Variants in PCDH15 observed in about 807,000 individuals in gnomAD.
PCDH15 encodes the protein protocadherin related 15.
A neutral mutation model predicts 178.5 loss-of-function variants in PCDH15; 129 were observed. The ratio of observed to expected loss-of-function variants is 0.72; its 90% confidence interval spans 0.63 to 0.84. The LOEUF is 0.84. Ranked by LOEUF, PCDH15 falls within the 40% of genes least tolerant of loss-of-function variation. The pLI, the probability that PCDH15 is intolerant of heterozygous loss-of-function variation, is 0.00. For synonymous variants in PCDH15, 800 were observed against 732.0 expected (o/e 1.09, Z -1.50); for missense variants, 2,230 against 2,099.9 (o/e 1.06, Z -1.21).
chr10:54,864,138 T>G (rs60256324), intron 3 of PCDH15, among the ~76,000 whole-genome samples: 23,347 of 152,142 alleles, frequency 0.15, 2,504 homozygotes, highest in East Asian at 0.51. Context: ...ATAAATGGCT[T>G]ATCTGTGATA....
chr10:54,215,467 C>G (rs1378690333), intron 9 of PCDH15, among the ~76,000 whole-genome samples: 3 of 152,000 alleles, frequency 2.0e-5, no homozygotes, highest in African/African-American at 4.8e-5. Flanking sequence ...GAGAGTCATA[C>G]AGAAAATCAT....
At chr10:54,994,660 C>G (rs189780141) in intron 2 of PCDH15, among the ~76,000 whole-genome samples, 208 of 152,008 alleles carry the variant, frequency 1.4e-3, no homozygotes, top group African/African-American at 4.6e-3. Context: ...TTATTATAAA[C>G]CAAGTGTATT....
At chr10:54,296,929 C>G (rs2059832101) in intron 8 of PCDH15, among the ~76,000 whole-genome samples, 1 of 152,156 alleles carries the variant, frequency 6.6e-6, no homozygotes, top group Non-Finnish European at 1.5e-5. Context: ...GCTTAGGACT[C>G]TAACAGGTTT....
chr10:54,571,333 G>GAAA (rs60604711), intron 2 of PCDH15, among the ~76,000 whole-genome samples: 2 of 128,592 alleles, frequency 1.6e-5, no homozygotes, highest in East Asian at 2.3e-4. Flanking sequence ...GACAAAATTT[G>GAAA]AAAAAAAAAA....
Position 54,898,539 on chromosome 10 carries a change from C to G in PCDH15, c.-79-1039G>C, listed in dbSNP as rs552813333. 5.9e-5 allele frequency among the ~76,000 whole-genome samples: 9 copies of G among 152,076 alleles called. No homozygotes were observed. In the South Asian group the frequency reaches 1.9e-3, roughly 32 times the overall value. On this transcript the variant is annotated intron_variant, in intron 2 of 5. Transcript: ENST00000458638. ...CAGATTTTTCAGCAACTCTTTCTCT[C>G]AATAAGATAAAGATATAATCCATTG... is the stretch of plus-strand genomic sequence containing the variant.
intron 3 of PCDH15, among the ~76,000 whole-genome samples, chr10:54,427,643 T>C (rs1265964903): frequency 6.6e-6 from 1 of 152,118 alleles, no homozygotes; most frequent in Non-Finnish European, 1.5e-5. Context: ...GTAGGGTCAT[T>C]TAAAATATTT....
intron 2 of PCDH15, among the ~76,000 whole-genome samples, chr10:54,575,959 T>C (rs2090431401): frequency 6.6e-6 from 1 of 152,208 alleles, no homozygotes; most frequent in Non-Finnish European, 1.5e-5. Flanking sequence ...CACTACAACA[T>C]GTCTTCAGGA....
At chr10:54,309,855 T>A (rs952129110) in intron 8 of PCDH15, among the ~76,000 whole-genome samples, 2 of 151,850 alleles carry the variant, frequency 1.3e-5, no homozygotes, top group African/African-American at 4.8e-5. Flanking sequence ...CAAGTTAGGA[T>A]ATAATGACAA....
intron 6 of PCDH15, 87 bp downstream of exon 6, chr10:54,346,278 A>G: frequency 7.8e-7 from 1 of 1,290,176 alleles, no homozygotes; most frequent in African/African-American, 1.5e-5. Context: ...TCTGGAAGTT[A>G]CTGAATAATA....
intron 1 of PCDH15, among the ~76,000 whole-genome samples, chr10:55,241,027 T>A (rs916547464): frequency 6.6e-6 from 1 of 152,112 alleles, no homozygotes; most frequent in African/African-American, 2.4e-5. Context: ...CCATCCTGGC[T>A]AACACAGTGA....
chr10:55,162,298 C>T (rs1035087774), intron 2 of PCDH15, among the ~76,000 whole-genome samples: 2 of 152,030 alleles, frequency 1.3e-5, no homozygotes, highest in African/African-American at 4.8e-5. Context: ...CATTTATATC[C>T]CTTCTAAAAT....
chr10:55,130,013 G>C (rs571826275), intron 2 of PCDH15, among the ~76,000 whole-genome samples: 1 of 152,182 alleles, frequency 6.6e-6, no homozygotes, highest in African/African-American at 2.4e-5. Context: ...CATTTTAAGG[G>C]TTGGCTCTAA....
At chr10:54,059,486 T>A (rs1394304854) in intron 18 of PCDH15, among the ~76,000 whole-genome samples, 1 of 152,200 alleles carries the variant, frequency 6.6e-6, no homozygotes, top group Non-Finnish European at 1.5e-5. Context: ...TATTTCTTTA[T>A]CTCCCTTTTC....
At position 55,579,742 on chromosome 10, in the gene PCDH15, C is replaced by T. The variant is rs983723594; in HGVS notation, c.-156+47883G>A. 2.6e-5 allele frequency among the ~76,000 whole-genome samples: 4 copies of T among 152,162 alleles called. No homozygotes were observed. The East Asian group carries it at 7.7e-4, about 29-fold the overall frequency. On this transcript the variant is annotated intron_variant, in intron 2 of 5. Transcript: ENST00000613346. Reference sequence around the variant, plus strand: ...ATCAATATTAACCAATGTCCCTTTGCCCTCACCCTCCACTCTTATTCATCC... The same window carrying T: ...ATCAATATTAACCAATGTCCCTTTGTCCTCACCCTCCACTCTTATTCATCC...
intron 3 of PCDH15, among the ~76,000 whole-genome samples, chr10:54,810,879 G>T (rs1952852847): frequency 6.6e-6 from 1 of 152,020 alleles, no homozygotes; most frequent in Admixed American, 6.6e-5. Context: ...AGCTATGGAT[G>T]AACTTCTACC....
chr10:54,136,316 A>T (rs1456637573), intron 14 of PCDH15, among the ~76,000 whole-genome samples: 1 of 152,116 alleles, frequency 6.6e-6, no homozygotes, highest in African/African-American at 2.4e-5. Context: ...GTTTTTTTTA[A>T]ATTACCTCAG....
Position 53,822,516 on chromosome 10 carries a change from G to A in PCDH15, c.4368-2286C>T, listed in dbSNP as rs1339913420. On this transcript the variant is annotated intron_variant, in intron 32 of 37. Transcript: ENST00000644397. ...ACAGGCAGAAGGAGAGATGTTTGGT[G>A]GATGGGCAAAATTTTCAAAAATATT... 1 of 1,613,058 alleles carries A rather than the reference G, an allele frequency of 6.2e-7. No individual in the cohort carries two copies. Among genetic ancestry groups the A allele is most frequent in the Non-Finnish European group, 8.5e-7 (1 of 1,179,760 alleles).
At chr10:54,683,929 A>G (rs929623541) in intron 1 of PCDH15, among the ~76,000 whole-genome samples, 1 of 152,084 alleles carries the variant, frequency 6.6e-6, no homozygotes, top group African/African-American at 2.4e-5. Context: ...TGTTGATTAT[A>G]GCATAGCACA....
chr10:55,541,750 T>G (rs1841764230), intron 2 of PCDH15, among the ~76,000 whole-genome samples: 1 of 151,912 alleles, frequency 6.6e-6, no homozygotes, highest in African/African-American at 2.4e-5. Flanking sequence ...TATTTGTACA[T>G]TCATTTATTC....
Sources: allele counts gnomAD v4.1 joint callset (sites outside exome capture counted in the v4.1 genomes callset), GRCh38; gene constraint gnomAD v4.1.1; transcripts MANE v1.5; gene names NCBI Gene and HGNC (gene_info 2026-07-23, HGNC 2026-07-21).